Variants in SESTD1 observed in about 807,000 individuals in gnomAD.
SESTD1 encodes SEC14 domain and spectrin repeat-containing protein 1.
Under a neutral mutation model 101.7 loss-of-function variants are expected in SESTD1, and 43 were observed. That is an observed-to-expected ratio of 0.42 (90% CI 0.33 to 0.55). The LOEUF (loss-of-function observed/expected upper bound fraction) is 0.55. Ranked by LOEUF, SESTD1 falls within the 20% of genes least tolerant of loss-of-function variation. The pLI is 0.07. For synonymous variants in SESTD1, 283 were observed against 286.8 expected, an observed-to-expected ratio of 0.99 and a Z score of 0.13; for missense variants, 647 against 815.1, an observed-to-expected ratio of 0.79 and a Z score of 2.51.
intron 1 of SESTD1, among the ~76,000 whole-genome samples, chr2:179,206,501 C>T (rs1188814993): frequency 7.4e-6 from 1 of 135,854 alleles, no homozygotes; most frequent in Non-Finnish European, 1.6e-5. Context: ...CCTGTAGGCA[C>T]TCCTGGTCCC....
intron 5 of SESTD1, among the ~76,000 whole-genome samples, chr2:179,160,063 GC>G (rs1353792536): frequency 3.9e-5 from 6 of 151,906 alleles, no homozygotes; most frequent in Non-Finnish European, 8.8e-5. Flanking sequence ...CACCATTTTG[GC>G]CAGGCTGGTC....
At chr2:179,151,244 G>T in intron 6 of SESTD1, 34 bp downstream of exon 6, 1 of 1,289,508 alleles carries the variant, frequency 7.8e-7, no homozygotes, top group Non-Finnish European at 1.1e-6. Context: ...TTATTTCTAT[G>T]CAATAACATT....
chr2:179,194,272 T>C (rs772403273), intron 1 of SESTD1, among the ~76,000 whole-genome samples: 1 of 152,162 alleles, frequency 6.6e-6, no homozygotes, highest in Non-Finnish European at 1.5e-5. Context: ...CTTCTCATAC[T>C]AGGTCAGAGG....
rs1374699765 is a variant in SESTD1 at position 179,112,730 on chromosome 2, G to C, written c.1955C>G (p.Pro652Arg). 4 of 1,611,062 alleles carry C rather than the reference G, an allele frequency of 2.5e-6. No homozygotes were observed. In the Admixed American group the frequency reaches 6.7e-5, roughly 27 times the overall value. Residue 652 changes from proline (P) to arginine (R), a missense_variant, in exon 17 of 18, where the codon CCT (proline) becomes CGT (arginine). By Grantham distance (103) the Pro-to-Arg change is moderately radical. Around this residue, in one of 3 missense-constraint regions of SESTD1, gnomAD observed 476 missense variants for 562.6 expected, o/e 0.85. Transcript: ENST00000428443. ...LDRLTVPVVY[P>R]DGTEQYFGSP... ...ATAAGAACATGCCCCATACCCATCA[G>C]GATAAACTACTGGAACAGTTAATCT...
At chr2:179,143,547 A>G in intron 9 of SESTD1, 45 bp downstream of exon 9, 1 of 1,545,548 alleles carries the variant, frequency 6.5e-7, no homozygotes, top group Non-Finnish European at 8.9e-7. Flanking sequence ...AGTAGAAATT[A>G]TAAGGAATTA....
At position 179,146,474 on chromosome 2, in the gene SESTD1, GAGT is replaced by G; in HGVS notation, c.582-20_582-18del. 7.5e-6 allele frequency: 12 copies of G among 1,604,996 alleles called. No individual in the cohort carries two copies. The highest frequency in any genetic ancestry group is 9.4e-6 in the Non-Finnish European group (11 of 1,176,274). On this transcript the variant is annotated intron_variant, in intron 7 of 17. Coordinates refer to ENST00000428443, the MANE Select transcript of SESTD1 (RefSeq NM_178123.5). ...TCCACAGACCTGGAAAACACCAAAGGAGTAATTTTCAAAAGGCATATTTCTATC... is the reference window on the plus strand; with the variant it reads ...TCCACAGACCTGGAAAACACCAAAGGAATTTTCAAAAGGCATATTTCTATC...
At chr2:179,163,169 A>T (rs2045771338) in intron 5 of SESTD1, among the ~76,000 whole-genome samples, 1 of 152,116 alleles carries the variant, frequency 6.6e-6, no homozygotes. Context: ...AATTCCTCAA[A>T]TGCTCTTTGA....
At chr2:179,238,417 A>C (rs2047100407) in intron 1 of SESTD1, among the ~76,000 whole-genome samples, 1 of 152,188 alleles carries the variant, frequency 6.6e-6, no homozygotes, top group African/African-American at 2.4e-5. Context: ...ATTTCTTCAA[A>C]ATTCTTAGAT....
chr2:179,243,602 T>C (rs961727881), intron 1 of SESTD1, among the ~76,000 whole-genome samples: 1 of 152,142 alleles, frequency 6.6e-6, no homozygotes, highest in African/African-American at 2.4e-5. Flanking sequence ...ATCAAGTCCT[T>C]TGCAGCAATA....
intron 4 of SESTD1, among the ~76,000 whole-genome samples, chr2:179,174,120 T>C (rs1295018147): frequency 6.6e-6 from 1 of 152,180 alleles, no homozygotes; most frequent in Admixed American, 6.5e-5. Flanking sequence ...TGGAAGATTA[T>C]TATTTCAAAA....
intron 1 of SESTD1, among the ~76,000 whole-genome samples, chr2:179,257,766 CT>C: frequency 6.6e-6 from 1 of 152,210 alleles, no homozygotes; most frequent in Admixed American, 6.5e-5. Flanking sequence ...CTAGTTCTGG[CT>C]TTCTAGTAGC....
chr2:179,234,532 C>G (rs1176808802), intron 1 of SESTD1, among the ~76,000 whole-genome samples: 1 of 152,198 alleles, frequency 6.6e-6, no homozygotes, highest in African/African-American at 2.4e-5. Flanking sequence ...AATCCCAGCA[C>G]TTTGTGGGGC....
At chr2:179,152,409 G>A (rs2105451557) in intron 5 of SESTD1, among the ~76,000 whole-genome samples, 1 of 152,242 alleles carries the variant, frequency 6.6e-6, no homozygotes, top group South Asian at 2.1e-4. Context: ...AAAATTATGT[G>A]ACTATATGTG....
At chr2:179,162,629 A>G (rs1222858543) in intron 5 of SESTD1, 1 of 152,036 alleles carries the variant, frequency 6.6e-6, no homozygotes, top group East Asian at 1.9e-4. Flanking sequence ...TTGACTCTCT[A>G]TAGACTGATC....
intron 7 of SESTD1, among the ~76,000 whole-genome samples, chr2:179,147,373 T>G (rs1327043212): frequency 8.6e-5 from 13 of 151,720 alleles, no homozygotes; most frequent in Non-Finnish European, 1.5e-4. Context: ...TTGTTTTTTT[T>G]TTTTTTGAGA....
intron 1 of SESTD1, among the ~76,000 whole-genome samples, chr2:179,254,078 T>C (rs964104281): frequency 6.6e-6 from 1 of 151,754 alleles, no homozygotes; most frequent in Admixed American, 6.6e-5. Context: ...TCAGCCTGGG[T>C]GGCAGAGTGA....
intron 1 of SESTD1, among the ~76,000 whole-genome samples, chr2:179,195,200 G>C (rs2046371495): frequency 6.6e-6 from 1 of 152,188 alleles, no homozygotes; most frequent in Non-Finnish European, 1.5e-5. Context: ...CCCATGTTTT[G>C]AGGAAGAGAA....
intron 1 of SESTD1, among the ~76,000 whole-genome samples, chr2:179,241,625 T>TA (rs35527564): frequency 0.99 from 148,560 of 150,622 alleles, 73,306 homozygotes; most frequent in East Asian, 1. Flanking sequence ...CTCTCATCTT[T>TA]AAAAAAAAAA....
Position 179,122,753 on chromosome 2 carries a change from G to A in SESTD1, c.1283-824C>T, listed in dbSNP as rs146658472. ...ATAACTACCAATACAAAAATTAGCC[G>A]GGCGTGGTGGCAGGTGCCTGTAATC... On this transcript the variant is annotated intron_variant, in intron 12 of 17. Transcript: ENST00000428443. Among the ~76,000 whole-genome samples, 183 of 152,084 alleles carry A rather than the reference G, an allele frequency of 1.2e-3. 2 individuals carry two copies. In the East Asian group the frequency reaches 0.031, roughly 26 times the overall value.
Sources: gnomAD v4.1 joint callset for allele counts (sites outside exome capture counted in the v4.1 genomes callset) on GRCh38, gnomAD v4.1.1 for gene constraint, gnomAD v4.1.1 regional missense constraint, MANE v1.5 for transcripts, NCBI Gene and HGNC (gene_info 2026-07-23, HGNC 2026-07-21) for gene names.